Variants in TENM2 observed in about 807,000 individuals in gnomAD.
TENM2 encodes the protein teneurin transmembrane protein 2.
Under a neutral mutation model 245.2 loss-of-function variants are expected in TENM2, and 52 were observed. That is an observed-to-expected ratio of 0.21 (90% confidence interval 0.17 to 0.27). TENM2 has a LOEUF of 0.27. TENM2 is among the 10% of genes least tolerant of loss of function. TENM2 has a pLI of 1.00. For synonymous variants in TENM2, 1,363 were observed against 1,438.9 expected, an observed-to-expected ratio of 0.95 and a Z score of 1.19; for missense variants, 3,046 against 3,666.8, an observed-to-expected ratio of 0.83 and a Z score of 4.37.
chr5:167,688,981 C>T (rs560808481), intron 2 of TENM2, among the ~76,000 whole-genome samples: 3 of 152,252 alleles, frequency 2.0e-5, no homozygotes, highest in Non-Finnish European at 4.4e-5. Context: ...CGGGGCACAT[C>T]GGAGTGCCTG....
At chr5:167,645,989 T>C (rs991683533) in intron 2 of TENM2, among the ~76,000 whole-genome samples, 3 of 151,522 alleles carry the variant, frequency 2.0e-5, no homozygotes, top group Non-Finnish European at 2.9e-5. Flanking sequence ...TATGGAATTC[T>C]CTCCAGGTCC....
At chr5:167,939,583 G>A (rs937333870) in intron 3 of TENM2, among the ~76,000 whole-genome samples, 4 of 152,172 alleles carry the variant, frequency 2.6e-5, no homozygotes, top group African/African-American at 7.2e-5. Context: ...AATATATAAC[G>A]TGTTGATGTT....
chr5:167,056,490 C>CAT, the TENM2 span, among the ~76,000 whole-genome samples: 1 of 144,562 alleles, frequency 6.9e-6, no homozygotes, highest in African/African-American at 2.5e-5. Flanking sequence ...ATATATTATA[C>CAT]ATATATATTT....
intron 2 of TENM2, among the ~76,000 whole-genome samples, chr5:167,617,166 A>T (rs1441742254): frequency 6.6e-6 from 1 of 152,026 alleles, no homozygotes; most frequent in Non-Finnish European, 1.5e-5. Flanking sequence ...TGTCATCTTG[A>T]GATGTAACTT....
At chr5:167,358,658 A>G (rs1759499752) in intron 1 of TENM2, among the ~76,000 whole-genome samples, 1 of 151,660 alleles carries the variant, frequency 6.6e-6, no homozygotes, top group African/African-American at 2.4e-5. Context: ...CACAATGTTA[A>G]ATAGTATGTA....
chr5:167,920,235 T>C (rs1334829554), intron 3 of TENM2, among the ~76,000 whole-genome samples: 6 of 150,536 alleles, frequency 4.0e-5, no homozygotes, highest in African/African-American at 1.5e-4. Context: ...CTCACACCTG[T>C]AATCCCAACA....
At chr5:167,816,648 C>T (rs1314731216) in intron 2 of TENM2, among the ~76,000 whole-genome samples, 1 of 151,978 alleles carries the variant, frequency 6.6e-6, no homozygotes, top group African/African-American at 2.4e-5. Context: ...TAGAGACATT[C>T]ATCATTAGAA....
intron 2 of TENM2, among the ~76,000 whole-genome samples, chr5:167,490,787 C>G (rs762672779): frequency 1.3e-5 from 2 of 152,148 alleles, no homozygotes; most frequent in Admixed American, 6.6e-5. Flanking sequence ...AGTTAAGCCT[C>G]TCTACTGCAA....
chr5:167,877,154 A>G (rs1773491527), intron 3 of TENM2, among the ~76,000 whole-genome samples: 2 of 152,172 alleles, frequency 1.3e-5, no homozygotes, highest in South Asian at 4.1e-4. Flanking sequence ...TAATTAGCAT[A>G]TCCCATCCAA....
intron 6 of TENM2, among the ~76,000 whole-genome samples, chr5:168,059,721 C>T (rs923586054): frequency 1.3e-5 from 2 of 152,050 alleles, no homozygotes; most frequent in African/African-American, 4.8e-5. Context: ...GTAATGAGAG[C>T]TCCTGATCAA....
chr5:167,514,562 G>T (rs1770185702), intron 2 of TENM2, among the ~76,000 whole-genome samples: 1 of 152,180 alleles, frequency 6.6e-6, no homozygotes, highest in African/African-American at 2.4e-5. Flanking sequence ...GAATTTGCAA[G>T]CAATTGTTAG....
At chr5:167,213,688 A>G in the TENM2 span, among the ~76,000 whole-genome samples, 1 of 152,222 alleles carries the variant, frequency 6.6e-6, no homozygotes, top group African/African-American at 2.4e-5. Context: ...TGTAGCTTAT[A>G]TTATTCATTT....
intron 2 of TENM2, among the ~76,000 whole-genome samples, chr5:167,630,059 C>T (rs1000445989): frequency 6.6e-6 from 1 of 151,958 alleles, no homozygotes; most frequent in Non-Finnish European, 1.5e-5. Flanking sequence ...ATGTACAATG[C>T]ACATATTTCT....
In TENM2 at chr5:167,884,296, G is replaced by A. The variant is rs541376822; in HGVS notation, c.712+8101G>A. ...ACCATTTATACTATTTTTAAGTGTAGAGTTCTATGGCTTTAAGTATGTTCA... is the reference window on the plus strand; with the variant it reads ...ACCATTTATACTATTTTTAAGTGTAAAGTTCTATGGCTTTAAGTATGTTCA... On this transcript the variant is annotated intron_variant, in intron 3 of 28. Transcript: ENST00000518659. Among the ~76,000 whole-genome samples, 73 of 152,236 alleles carry A rather than the reference G, an allele frequency of 4.8e-4. No individual in the cohort carries two copies. The South Asian group carries it at 7.3e-3, about 15-fold the overall frequency.
intron 2 of TENM2, among the ~76,000 whole-genome samples, chr5:167,763,360 C>T (rs1329918114): frequency 6.6e-6 from 1 of 152,170 alleles, no homozygotes; most frequent in Non-Finnish European, 1.5e-5. Flanking sequence ...CATTCCTTCA[C>T]ATTAGATTCT....
chr5:167,397,150 T>A (rs1762100304), intron 2 of TENM2, among the ~76,000 whole-genome samples: 1 of 152,050 alleles, frequency 6.6e-6, no homozygotes, highest in Non-Finnish European at 1.5e-5. Flanking sequence ...CAACATCTTA[T>A]TTATGTGTGT....
chr5:168,158,487 T>C (rs1757391962), intron 12 of TENM2, among the ~76,000 whole-genome samples: 1 of 151,996 alleles, frequency 6.6e-6, no homozygotes, highest in Non-Finnish European at 1.5e-5. Flanking sequence ...ATCTTGGATC[T>C]CATGGGGGTT....
chr5:167,550,503 C>T (rs1027382557), intron 2 of TENM2, among the ~76,000 whole-genome samples: 1 of 152,072 alleles, frequency 6.6e-6, no homozygotes, highest in African/African-American at 2.4e-5. Context: ...AGAGGAATCT[C>T]ATTATGCAGA....
chr5:167,176,371 C>G, the TENM2 span, among the ~76,000 whole-genome samples: 1 of 152,222 alleles, frequency 6.6e-6, no homozygotes, highest in South Asian at 2.1e-4. Context: ...GGGCTAAGCT[C>G]CTGTCCCCAA....
Sources: gnomAD v4.1 joint callset for allele counts (sites outside exome capture counted in the v4.1 genomes callset) on GRCh38, gnomAD v4.1.1 for gene constraint, MANE v1.5 for transcripts, NCBI Gene and HGNC (gene_info 2026-07-23, HGNC 2026-07-21) for gene names.